SEC14L5: variants seen among roughly 807,000 people sequenced by gnomAD.
SEC14L5 encodes the protein SEC14 like lipid binding 5.
SEC14L5 carries 96 observed loss-of-function variants against 84.6 expected under a neutral mutation model. That is an observed-to-expected ratio of 1.13 (90% confidence interval 0.96 to 1.34). SEC14L5 has a LOEUF of 1.34. SEC14L5 is among the 40% of genes most tolerant of loss of function. SEC14L5 has a pLI of 0.00. For missense variants in SEC14L5, 1,224 were observed against 942.5 expected (o/e 1.30, Z -3.91); for synonymous variants, 546 against 383.4 (o/e 1.42, Z -4.95).
At chr16:4,985,997 A>G (rs1163592307) in intron 2 of SEC14L5, among the ~76,000 whole-genome samples, 1 of 152,042 alleles carries the variant, frequency 6.6e-6, no homozygotes, top group Non-Finnish European at 1.5e-5. Context: ...GCTGGATCAT[A>G]AGGTAATTCT....
chr16:4,990,826 GTCTT>G lies in SEC14L5; in HGVS notation c.411_414del (p.Phe137LeufsTer12). 1.2e-6 allele frequency: 2 copies of G among 1,612,052 alleles called. No homozygotes were observed. The highest frequency in any genetic ancestry group is 4.5e-5 in the East Asian group (2 of 44,640). ...AGCAGTCTGCCTCACTGGACATTCG[GTCTT>G]TCTTTGGCTTTGAAAATGCCTTGGA... On this transcript the variant is annotated frameshift_variant, in exon 5 of 16. Transcript: ENST00000251170. LOFTEE classifies it high-confidence loss of function.
intron 12 of SEC14L5, among the ~76,000 whole-genome samples, chr16:5,006,788 A>G (rs1319953304): frequency 6.6e-6 from 1 of 152,192 alleles, no homozygotes; most frequent in Non-Finnish European, 1.5e-5. Flanking sequence ...GGCTTATGGA[A>G]AGACACTGAA....
At chr16:5,011,599 C>T (rs1318919156) in intron 15 of SEC14L5, among the ~76,000 whole-genome samples, 1 of 152,164 alleles carries the variant, frequency 6.6e-6, no homozygotes, top group Non-Finnish European at 1.5e-5. Flanking sequence ...TCCTAGAATT[C>T]CATGGGAATA....
rs1955899117 is a variant in SEC14L5, at chr16:5,018,553, G to A, written c.*3583G>A. The A allele has an allele frequency of 6.6e-6, 1 of 152,178 alleles. No homozygotes were observed. Among genetic ancestry groups the A allele is most frequent in the South Asian group, 2.1e-4 (1 of 4,832 alleles). The allele number at this position is 152,178 out of a possible 1,614,324, so 9.4% of individuals were successfully genotyped here. ...GTGGTGGTGCGTGCCTATAGTCTCA[G>A]CTGCTCGGGAGGCTGAGGCAGAAGG... On this transcript the variant is annotated 3_prime_UTR_variant, in exon 16 of 16. Transcript: ENST00000251170.
chr16:5,001,578 C>A (rs952750868), intron 10 of SEC14L5, among the ~76,000 whole-genome samples: 24 of 152,060 alleles, frequency 1.6e-4, no homozygotes, highest in Admixed American at 1.5e-3. Context: ...TTTTTGAGAT[C>A]AGCTCTCCAC....
At chr16:5,011,006 C>A in intron 14 of SEC14L5, 89 bp from the exon 15 acceptor site, 3 of 1,296,220 alleles carry the variant, frequency 2.3e-6, no homozygotes, top group Non-Finnish European at 3.2e-6. Context: ...AATTTCCAGG[C>A]CTGGTGATGA....
chr16:4,997,191 C>A, intron 8 of SEC14L5, 147 bp downstream of exon 8: 1 of 516,678 alleles, frequency 1.9e-6, no homozygotes, highest in Non-Finnish European at 3.2e-6. Flanking sequence ...CTCCGCTTCC[C>A]GGGTTCAAGC....
chr16:4,978,779 T>A (rs1955382059), intron 2 of SEC14L5, among the ~76,000 whole-genome samples: 1 of 152,214 alleles, frequency 6.6e-6, no homozygotes, highest in East Asian at 1.9e-4. Flanking sequence ...ATCTTTTGTA[T>A]TTTTAGTAGA....
intron 1 of SEC14L5, among the ~76,000 whole-genome samples, 166 bp downstream of exon 1, chr16:4,958,611 T>C (rs1176167348): frequency 1.3e-5 from 2 of 152,078 alleles, no homozygotes; most frequent in Admixed American, 6.5e-5. Flanking sequence ...CCTCTACGTG[T>C]GTGTACGTGT....
rs557673301 is a variant in SEC14L5 at position 5,015,149 on chromosome 16, T to C, written c.*179T>C. ...ATCCAGAACTGGCCTGTGGGTGGTG[T>C]CAGGGCTCTTGAAATTGCAAGGACA... is the stretch of plus-strand genomic sequence containing the variant. On this transcript the variant is annotated 3_prime_UTR_variant, in exon 16 of 16. Transcript: ENST00000251170. 4 of 594,850 alleles carry C rather than the reference T, an allele frequency of 6.7e-6. No homozygotes were observed. In the East Asian group the frequency reaches 1.1e-4, roughly 17 times the overall value. The allele number at this position is 594,850 out of a possible 1,614,324, so 36.8% of individuals were successfully genotyped here. A position where few individuals can be genotyped will look rare whatever the true frequency, so the allele number is the denominator to read the frequency against.
intron 2 of SEC14L5, among the ~76,000 whole-genome samples, chr16:4,981,916 T>G (rs900695550): frequency 2.0e-5 from 3 of 152,080 alleles, no homozygotes; most frequent in Non-Finnish European, 4.4e-5. Flanking sequence ...CGTGGGGAGA[T>G]GATTTCCTTT....
chr16:4,985,081 A>AT (rs1955468886), intron 2 of SEC14L5, among the ~76,000 whole-genome samples: 1 of 152,034 alleles, frequency 6.6e-6, no homozygotes, highest in South Asian at 2.1e-4. Context: ...TATCCAGTTT[A>AT]TTTTTTCTTT....
At chr16:4,973,451 C>T (rs1955303329) in intron 2 of SEC14L5, among the ~76,000 whole-genome samples, 1 of 152,202 alleles carries the variant, frequency 6.6e-6, no homozygotes, top group African/African-American at 2.4e-5. Context: ...TTCCCTTCAT[C>T]AGCTGGGTGA....
In SEC14L5 at chr16:4,996,896, T is replaced by C; in HGVS notation, c.822T>C (p.His274=). The C allele has an allele frequency of 6.2e-7, 1 of 1,613,716 alleles. No homozygotes were observed. Among genetic ancestry groups the C allele is most frequent in the South Asian group, 1.1e-5 (1 of 91,054 alleles). The stretch of plus-strand genomic sequence containing the variant: ...ACATCCTTCGGTTCCTGCGGGCTCA[T>C]GACTTCCACCTGGACAAGGCCCGGG... The part of the protein sequence containing the change: ...DEHILRFLRA[H]DFHLDKAREM... The change falls in exon 8 of 16, where the codon CAT becomes CAC. Residue 274 remains histidine (H), a synonymous_variant. Transcript: ENST00000251170.
intron 2 of SEC14L5, among the ~76,000 whole-genome samples, chr16:4,983,559 T>G (rs1568121135): frequency 6.7e-6 from 1 of 150,340 alleles, no homozygotes; most frequent in Non-Finnish European, 1.5e-5. Context: ...TTCATATATA[T>G]TTATATATAC....
chr16:4,989,074 G>C (rs771192316), intron 4 of SEC14L5, among the ~76,000 whole-genome samples: 1 of 152,220 alleles, frequency 6.6e-6, no homozygotes. Context: ...CATGAGTGAG[G>C]TCTGCCAAGG....
chr16:5,013,485 C>G (rs1429945209), intron 15 of SEC14L5, among the ~76,000 whole-genome samples: 1 of 148,450 alleles, frequency 6.7e-6, no homozygotes, highest in Non-Finnish European at 1.5e-5. Flanking sequence ...CTCCCGGGCT[C>G]AAGCAATCCT....
intron 4 of SEC14L5, among the ~76,000 whole-genome samples, chr16:4,989,305 TTTTTGTTTGTTTG>T (rs1955527406): frequency 6.7e-6 from 1 of 148,290 alleles, no homozygotes; most frequent in South Asian, 2.2e-4. Flanking sequence ...CGTGTTTTTT[TTTTTGTTTGTTTG>T]TTTGTTTTGT....
At chr16:5,005,863 CAAAAAAA>C in intron 11 of SEC14L5, 44 bp from the exon 12 acceptor site, 4 of 1,231,460 alleles carry the variant, frequency 3.2e-6, no homozygotes, top group South Asian at 1.6e-5. Context: ...GACTCCGTCT[CAAAAAAA>C]AAAAAAAAAA....
Sources: allele counts gnomAD v4.1 joint callset (sites outside exome capture counted in the v4.1 genomes callset), GRCh38; gene constraint gnomAD v4.1.1; transcripts MANE v1.5; gene names NCBI Gene and HGNC (gene_info 2026-07-23, HGNC 2026-07-21).